Variants in CALD1 observed in about 807,000 individuals in gnomAD.
CALD1 encodes caldesmon.
Under a neutral mutation model 99.9 loss-of-function variants are expected in CALD1, and 33 were observed. The observed-to-expected ratio is 0.33, with a 90% CI of 0.25 to 0.44. The LOEUF is 0.44. Among genes scored for constraint, CALD1 ranks in the 20% least tolerant of loss-of-function variants. The pLI is 1.00. For missense variants in CALD1, 861 were observed against 962.1 expected, an observed-to-expected ratio of 0.89 and a Z score of 1.39; for synonymous variants, 310 against 325.0, an observed-to-expected ratio of 0.95 and a Z score of 0.50.
At chr7:134,937,982 C>T (rs1472180754) in intron 6 of CALD1, among the ~76,000 whole-genome samples, 2 of 152,092 alleles carry the variant, frequency 1.3e-5, no homozygotes, top group Admixed American at 6.5e-5. Flanking sequence ...AGTTTCTAGC[C>T]GAGCTGCTCC....
chr7:134,909,709 G>A (rs569558036), intron 3 of CALD1, among the ~76,000 whole-genome samples: 87 of 152,208 alleles, frequency 5.7e-4, no homozygotes, highest in African/African-American at 1.7e-3. Context: ...AAGGAACTTC[G>A]TTTGGAAGTG....
intron 1 of CALD1, among the ~76,000 whole-genome samples, chr7:134,842,547 T>G (rs1799691577): frequency 6.6e-6 from 1 of 152,210 alleles, no homozygotes; most frequent in African/African-American, 2.4e-5. Context: ...AATTTTAAAT[T>G]AATGAAAATC....
At chr7:134,796,468 C>A (rs1194947666) in intron 1 of CALD1, among the ~76,000 whole-genome samples, 2 of 152,102 alleles carry the variant, frequency 1.3e-5, no homozygotes. Flanking sequence ...AAGGACACAC[C>A]CCATATTCAG....
At chr7:134,871,307 T>G (rs1467668288) in intron 3 of CALD1, among the ~76,000 whole-genome samples, 1 of 152,188 alleles carries the variant, frequency 6.6e-6, no homozygotes, top group Non-Finnish European at 1.5e-5. Flanking sequence ...TAACTTCTCT[T>G]TGAATTTAGG....
chr7:134,721,480 T>C, the CALD1 span, among the ~76,000 whole-genome samples: 5 of 152,110 alleles, frequency 3.3e-5, no homozygotes, highest in African/African-American at 7.2e-5. Context: ...TCTACTATAG[T>C]AGAACAGTTT....
intron 1 of CALD1, among the ~76,000 whole-genome samples, chr7:134,805,922 G>A (rs770968949): frequency 1.5e-4 from 23 of 152,116 alleles, no homozygotes; most frequent in Non-Finnish European, 2.6e-4. Flanking sequence ...CACCACACCC[G>A]GCCAATTTTT....
At chr7:134,746,531 G>T (rs1223442195) in intron 1 of CALD1, among the ~76,000 whole-genome samples, 1 of 152,204 alleles carries the variant, frequency 6.6e-6, no homozygotes, top group African/African-American at 2.4e-5. Context: ...TTTGGAACTG[G>T]ATAATGAGTA....
At chr7:134,916,165 T>A (rs1160287867) in intron 3 of CALD1, among the ~76,000 whole-genome samples, 1 of 152,174 alleles carries the variant, frequency 6.6e-6, no homozygotes, top group Non-Finnish European at 1.5e-5. Flanking sequence ...ATGAGCCAAC[T>A]GGATGTTAGA....
intron 13 of CALD1, among the ~76,000 whole-genome samples, chr7:134,963,143 G>A (rs757053817): frequency 1.1e-4 from 16 of 152,168 alleles, no homozygotes; most frequent in South Asian, 8.3e-4. Context: ...TAAACAAAGC[G>A]ATAATAGCTG....
intron 3 of CALD1, among the ~76,000 whole-genome samples, chr7:134,881,121 A>T (rs1401771110): frequency 6.6e-6 from 1 of 152,166 alleles, no homozygotes; most frequent in Non-Finnish European, 1.5e-5. Context: ...TAGAAGACAG[A>T]TTCTGGTGTC....
chr7:134,906,602 C>T (rs573304034), intron 3 of CALD1, among the ~76,000 whole-genome samples: 2 of 152,316 alleles, frequency 1.3e-5, no homozygotes, highest in Admixed American at 1.3e-4. Context: ...TGGACCTGTA[C>T]ATTCTTCTTT....
rs1807247388 is a variant in CALD1, at chr7:134,950,460, G to A, written c.1881G>A (p.Leu627=). Residue 627 remains leucine, a synonymous_variant, in exon 9 of 15, where the codon TTG becomes TTA. Transcript: ENST00000361675. ...EKRQKMPEDG[L]SDDKKPFKCF... Reference sequence around the variant, plus strand: ...GCCAGAAGATGCCAGAAGATGGCTTGTCAGATGACAAGAAACCATTCAAGT... The same window carrying A: ...GCCAGAAGATGCCAGAAGATGGCTTATCAGATGACAAGAAACCATTCAAGT... 3 of 1,614,118 alleles carry A rather than the reference G, an allele frequency of 1.9e-6. No homozygotes were observed. Among genetic ancestry groups the A allele is most frequent in the Non-Finnish European group, 2.5e-6 (3 of 1,179,938 alleles).
the CALD1 span, among the ~76,000 whole-genome samples, chr7:134,712,529 G>A: frequency 5.3e-5 from 8 of 152,208 alleles, no homozygotes; most frequent in Non-Finnish European, 8.8e-5. Flanking sequence ...CTGGAGTTGT[G>A]TCTCTGGGAA....
exon 1 of CALD1, chr7:134,744,264 G>C (rs907874516): frequency 6.6e-6 from 1 of 152,166 alleles, no homozygotes; most frequent in African/African-American, 2.4e-5. Context: ...ATTCAAGCCT[G>C]CTCTCAGGCC....
chr7:134,779,131 A>G (rs1797004240), upstream of CALD1, among the ~76,000 whole-genome samples: 2 of 152,192 alleles, frequency 1.3e-5, no homozygotes, highest in Admixed American at 1.3e-4. Context: ...TTTGAAAAGA[A>G]ATATACTATT....
chr7:134,915,160 C>A (rs1316831935), intron 3 of CALD1, among the ~76,000 whole-genome samples: 1 of 152,242 alleles, frequency 6.6e-6, no homozygotes, highest in East Asian at 1.9e-4. Flanking sequence ...ACCTCCTCCT[C>A]AGAACCTAGG....
At chr7:134,812,985 G>A (rs1016376501) in intron 1 of CALD1, among the ~76,000 whole-genome samples, 5 of 152,120 alleles carry the variant, frequency 3.3e-5, no homozygotes, top group Admixed American at 2.6e-4. Context: ...GTGGCCAATG[G>A]GGCAGAAAGA....
At chr7:134,927,527 G>A (rs1156861373) in intron 3 of CALD1, among the ~76,000 whole-genome samples, 1 of 144,816 alleles carries the variant, frequency 6.9e-6, no homozygotes, top group Non-Finnish European at 1.5e-5. Flanking sequence ...ATTCTGGCCT[G>A]GGTGACAGAG....
rs369027763 is a variant in CALD1, at chr7:134,931,403, G to T, written c.219-1585G>T. Among the ~76,000 whole-genome samples, 47 of 152,184 alleles carry T rather than the reference G, an allele frequency of 3.1e-4. 1 individual carries two copies. Among genetic ancestry groups the T allele is most frequent in the African/African-American group, 1.0e-3 (42 of 41,530 alleles). On this transcript the variant is annotated intron_variant, in intron 4 of 14. Coordinates refer to ENST00000361675, the MANE Select transcript of CALD1 (RefSeq NM_033138.4). ...CTTCCCCTTAAATTATAAATTTTTT[G>T]CATTTGTAGGGACATTTAATCCTTA...
Sources: allele counts gnomAD v4.1 joint callset (sites outside exome capture counted in the v4.1 genomes callset), GRCh38; gene constraint gnomAD v4.1.1; transcripts MANE v1.5; gene names NCBI Gene and HGNC (gene_info 2026-07-23, HGNC 2026-07-21).